KLF17: variants seen among roughly 807,000 people sequenced by gnomAD.
KLF17 encodes KLF transcription factor 17.
KLF17 carries 31 observed loss-of-function variants against 34.2 expected under a neutral mutation model. That is an observed-to-expected ratio of 0.91 (90% CI 0.68 to 1.22). The LOEUF (loss-of-function observed/expected upper bound fraction) is 1.22, where lower values mean the gene tolerates loss of function less well. Among genes scored for constraint, KLF17 ranks in the 50% most tolerant of loss-of-function variants. The probability of loss-of-function intolerance (pLI) is 0.00; values close to 1 mark genes in which losing one functional copy is unlikely to be tolerated. For synonymous variants in KLF17, 179 were observed against 186.7 expected (o/e 0.96, Z 0.34); for missense variants, 478 against 505.2 (o/e 0.95, Z 0.52).
At chr1:44,059,937 GT>G in the KLF17 span, among the ~76,000 whole-genome samples, 1 of 152,118 alleles carries the variant, frequency 6.6e-6, no homozygotes, top group Non-Finnish European at 1.5e-5. Flanking sequence ...TGGGAGCACT[GT>G]TCCTTCTGGA....
the KLF17 span, among the ~76,000 whole-genome samples, chr1:44,060,102 A>G: frequency 6.6e-6 from 1 of 152,090 alleles, no homozygotes. Context: ...AGTGGGAAGA[A>G]GTCACACCCC....
the KLF17 span, chr1:44,045,889 A>G: frequency 3.3e-5 from 5 of 151,814 alleles, no homozygotes; most frequent in Admixed American, 1.3e-4. Context: ...AGCAACACAG[A>G]ATCACACATA....
At chr1:44,078,699 G>A in the KLF17 span, among the ~76,000 whole-genome samples, 1 of 152,154 alleles carries the variant, frequency 6.6e-6, no homozygotes, top group Non-Finnish European at 1.5e-5. Flanking sequence ...GCCTCCCAAA[G>A]TACTGGGATT....
chr1:44,118,009 G>A (rs2087899349), upstream of KLF17, among the ~76,000 whole-genome samples: 1 of 152,182 alleles, frequency 6.6e-6, no homozygotes, highest in African/African-American at 2.4e-5. Context: ...CACTGTCCAT[G>A]TGGTATCACC....
At chr1:44,090,306 CAAAAAAAAAA>C in the KLF17 span, among the ~76,000 whole-genome samples, 52 of 23,408 alleles carry the variant, frequency 2.2e-3, no homozygotes, top group African/African-American at 7.4e-3. Context: ...CTTGTCTCTA[CAAAAAAAAAA>C]AAAAAAAAAA....
At chr1:44,100,387 G>A in the KLF17 span, among the ~76,000 whole-genome samples, 7 of 152,082 alleles carry the variant, frequency 4.6e-5, no homozygotes, top group Non-Finnish European at 1.0e-4. Flanking sequence ...AAGCTTTGCT[G>A]AGTGGACTTT....
chr1:44,066,693 C>T, the KLF17 span, among the ~76,000 whole-genome samples: 7 of 152,134 alleles, frequency 4.6e-5, no homozygotes, highest in Non-Finnish European at 1.5e-5. Context: ...AATTCTTGCA[C>T]AGGTACATCA....
chr1:44,129,207 C>A, intron 1 of KLF17, 146 bp from the exon 2 acceptor site: 1 of 973,776 alleles, frequency 1.0e-6, no homozygotes, highest in Non-Finnish European at 1.5e-6. Context: ...TGTTAGAAAG[C>A]CCAAGCTGGG....
the KLF17 span, among the ~76,000 whole-genome samples, chr1:44,072,973 T>C: frequency 6.6e-6 from 1 of 152,058 alleles, no homozygotes; most frequent in South Asian, 2.1e-4. Context: ...GGTCTGGGAA[T>C]TGAGTGAATA....
the KLF17 span, among the ~76,000 whole-genome samples, chr1:44,096,128 G>C: frequency 5.5e-4 from 84 of 151,996 alleles, no homozygotes; most frequent in South Asian, 1.2e-3. Context: ...TTTTTGTAGA[G>C]ACAGTGTTTC....
the KLF17 span, among the ~76,000 whole-genome samples, chr1:44,081,854 CACTAT>C: frequency 6.6e-6 from 1 of 152,078 alleles, no homozygotes; most frequent in Non-Finnish European, 1.5e-5. Flanking sequence ...GAAATGTATC[CACTAT>C]CAATATATTT....
At chr1:44,085,399 G>C in the KLF17 span, among the ~76,000 whole-genome samples, 2 of 152,194 alleles carry the variant, frequency 1.3e-5, no homozygotes, top group Non-Finnish European at 2.9e-5. Context: ...CTGAGAAGTG[G>C]ATCTTTGAAG....
At chr1:44,099,883 AAG>A in the KLF17 span, among the ~76,000 whole-genome samples, 1 of 77,934 alleles carries the variant, frequency 1.3e-5, no homozygotes, top group East Asian at 3.8e-4. Flanking sequence ...GAAAGAAAGA[AAG>A]AAAGAAAGAA....
chr1:44,055,382 A>G, the KLF17 span, among the ~76,000 whole-genome samples: 1 of 152,298 alleles, frequency 6.6e-6, no homozygotes, highest in African/African-American at 2.4e-5. Flanking sequence ...TGGCCAGCCA[A>G]AAATTAGGAG....
chr1:44,086,644 T>A, the KLF17 span, among the ~76,000 whole-genome samples: 1 of 152,202 alleles, frequency 6.6e-6, no homozygotes, highest in South Asian at 2.1e-4. Context: ...ATGGTGATTA[T>A]CCACTGGAGA....
At chr1:44,081,222 T>TA in the KLF17 span, among the ~76,000 whole-genome samples, 8,232 of 107,792 alleles carry the variant, frequency 0.076, 288 homozygotes, top group Non-Finnish European at 0.096. Flanking sequence ...CAAGATCCTG[T>TA]AAAAAAAAAA....
chr1:44,119,015 G>T, intron 1 of KLF17, 27 bp downstream of exon 1: 1 of 1,577,950 alleles, frequency 6.3e-7, no homozygotes, highest in East Asian at 2.3e-5. Flanking sequence ...CCCCTGGCAG[G>T]CCGGGCGGGC....
the KLF17 span, among the ~76,000 whole-genome samples, chr1:44,086,902 G>A: frequency 2.0e-5 from 3 of 152,202 alleles, no homozygotes; most frequent in African/African-American, 4.8e-5. Context: ...GAGAGGAGGA[G>A]AGTTAATGGA....
At chr1:44,112,276 G>A in the KLF17 span, among the ~76,000 whole-genome samples, 3 of 152,162 alleles carry the variant, frequency 2.0e-5, no homozygotes, top group African/African-American at 7.2e-5. Flanking sequence ...TGAAGTCTAA[G>A]CCTGTACCTT....
Sources: allele counts gnomAD v4.1 joint callset (sites outside exome capture counted in the v4.1 genomes callset), GRCh38; gene constraint gnomAD v4.1.1; transcripts MANE v1.5; gene names NCBI Gene and HGNC (gene_info 2026-07-23, HGNC 2026-07-21).